The following SLC9A9 variants were observed in gnomAD, a reference collection of about 807,000 sequenced individuals.
The protein encoded by SLC9A9 is solute carrier family 9 member A9, also known as sodium/hydrogen exchanger 9.
In SLC9A9, 62 loss-of-function variants were observed where a neutral mutation model predicts 77.8. The observed-to-expected ratio is 0.80, with a 90% CI of 0.65 to 0.98. The LOEUF (loss-of-function observed/expected upper bound fraction) is 0.98. Among genes scored for constraint, SLC9A9 ranks in the 50% least tolerant of loss-of-function variants. The probability of loss-of-function intolerance (pLI) is 0.00; values close to 1 mark genes in which losing one functional copy is unlikely to be tolerated. For missense variants in SLC9A9, 775 were observed against 774.9 expected (o/e 1.00, Z 0.00); for synonymous variants, 320 against 283.5 (o/e 1.13, Z -1.29).
chr3:143,342,861 G>A (rs2032149637), intron 14 of SLC9A9, among the ~76,000 whole-genome samples: 3 of 152,260 alleles, frequency 2.0e-5, no homozygotes, highest in South Asian at 2.1e-4. Flanking sequence ...CACGCGCCAC[G>A]CTTTTAACCA....
In SLC9A9 at chr3:143,647,331, G is replaced by T. The variant is rs897832458; in HGVS notation, c.755+4924C>A. Among the ~76,000 whole-genome samples the T allele has an allele frequency of 2.6e-5, 4 of 152,150 alleles. No homozygotes were observed. In the East Asian group the frequency reaches 7.7e-4, roughly 29 times the overall value. On this transcript the variant is annotated intron_variant, in intron 6 of 15. Transcript: ENST00000316549. Reference sequence around the variant, plus strand: ...ACATGTGTTGAAAATGCTTCCCTTGGTTTATCATTCGTCATTTAATTTTTT... The same window carrying T: ...ACATGTGTTGAAAATGCTTCCCTTGTTTTATCATTCGTCATTTAATTTTTT...
At chr3:143,641,641 C>A (rs1448240709) in intron 6 of SLC9A9, among the ~76,000 whole-genome samples, 2 of 152,170 alleles carry the variant, frequency 1.3e-5, no homozygotes, top group Admixed American at 6.5e-5. Context: ...GATCCGCCAG[C>A]CTTGGCCTCC....
intron 14 of SLC9A9, among the ~76,000 whole-genome samples, chr3:143,321,092 C>G (rs533339407): frequency 6.6e-6 from 1 of 152,336 alleles, no homozygotes; most frequent in South Asian, 2.1e-4. Context: ...ACCATCATTT[C>G]AAACATCTAG....
chr3:143,756,108 G>T (rs1017026155), intron 4 of SLC9A9, among the ~76,000 whole-genome samples: 1 of 152,106 alleles, frequency 6.6e-6, no homozygotes, highest in African/African-American at 2.4e-5. Context: ...CACCAGTCAG[G>T]TCTTCCACCT....
intron 4 of SLC9A9, among the ~76,000 whole-genome samples, chr3:143,694,095 T>G (rs1933558419): frequency 6.6e-6 from 1 of 152,084 alleles, no homozygotes; most frequent in Non-Finnish European, 1.5e-5. Flanking sequence ...ACAGTGTAAT[T>G]TAAGAACTGT....
intron 14 of SLC9A9, among the ~76,000 whole-genome samples, chr3:143,351,778 G>T (rs886746698): frequency 6.6e-6 from 1 of 152,216 alleles, no homozygotes; most frequent in African/African-American, 2.4e-5. Flanking sequence ...GAGTCTGAAG[G>T]CCTTCAGGTC....
intron 6 of SLC9A9, among the ~76,000 whole-genome samples, chr3:143,602,536 T>A (rs916975215): frequency 2.6e-5 from 4 of 152,260 alleles, no homozygotes; most frequent in East Asian, 3.8e-4. Flanking sequence ...TTAATTTAAC[T>A]GTTTAATAAT....
intron 4 of SLC9A9, among the ~76,000 whole-genome samples, chr3:143,774,857 C>A (rs1346669472): frequency 6.6e-6 from 1 of 152,178 alleles, no homozygotes; most frequent in Non-Finnish European, 1.5e-5. Flanking sequence ...CCCTTTGGGA[C>A]CCTGTCTGCT....
At chr3:143,289,672 A>T (rs1559853920) in intron 14 of SLC9A9, among the ~76,000 whole-genome samples, 1 of 152,008 alleles carries the variant, frequency 6.6e-6, no homozygotes, top group Non-Finnish European at 1.5e-5. Flanking sequence ...CCATCTACCC[A>T]TCTGTCCATC....
At chr3:143,280,501 T>C (rs903194907) in intron 14 of SLC9A9, among the ~76,000 whole-genome samples, 7 of 152,148 alleles carry the variant, frequency 4.6e-5, no homozygotes, top group African/African-American at 1.7e-4. Context: ...TGTAGTCCCT[T>C]TGAAGCCTTT....
intron 12 of SLC9A9, among the ~76,000 whole-genome samples, chr3:143,401,483 T>C (rs2108512273): frequency 6.6e-6 from 1 of 152,330 alleles, no homozygotes; most frequent in Non-Finnish European, 1.5e-5. Flanking sequence ...TGTAGAAAGC[T>C]ATTCACATTA....
intron 5 of SLC9A9, among the ~76,000 whole-genome samples, chr3:143,689,106 T>C (rs1933371474): frequency 6.6e-6 from 1 of 151,514 alleles, no homozygotes; most frequent in South Asian, 2.1e-4. Context: ...GTTTTTATTG[T>C]CTACTGCATT....
intron 12 of SLC9A9, among the ~76,000 whole-genome samples, chr3:143,451,132 T>C (rs2034999869): frequency 6.6e-6 from 1 of 151,638 alleles, no homozygotes; most frequent in Non-Finnish European, 1.5e-5. Flanking sequence ...CTACAATCTC[T>C]ACTGCAAATC....
intron 14 of SLC9A9, among the ~76,000 whole-genome samples, chr3:143,297,274 C>T (rs572056501): frequency 1.8e-4 from 28 of 152,180 alleles, no homozygotes; most frequent in Non-Finnish European, 3.4e-4. Context: ...AGAGTGTCTT[C>T]TTTCCCCATT....
intron 4 of SLC9A9, among the ~76,000 whole-genome samples, chr3:143,707,373 C>CAG (rs1319889564): frequency 1.3e-4 from 18 of 138,206 alleles, no homozygotes; most frequent in East Asian, 2.0e-4. Flanking sequence ...AAAATCTACA[C>CAG]ACACACACAC....
At chr3:143,636,753 C>T (rs1157583109) in intron 6 of SLC9A9, among the ~76,000 whole-genome samples, 1 of 152,182 alleles carries the variant, frequency 6.6e-6, no homozygotes, top group East Asian at 1.9e-4. Flanking sequence ...AGATAATCTC[C>T]TGAGACTTCT....
chr3:143,785,807 A>G (rs532955032), intron 4 of SLC9A9, among the ~76,000 whole-genome samples: 18 of 151,614 alleles, frequency 1.2e-4, no homozygotes, highest in African/African-American at 4.3e-4. Context: ...GTACTGAAGA[A>G]TAAAGGTGAG....
chr3:143,350,942 T>C (rs2032436550), intron 14 of SLC9A9, among the ~76,000 whole-genome samples: 1 of 152,198 alleles, frequency 6.6e-6, no homozygotes, highest in African/African-American at 2.4e-5. Context: ...AACTGTTAAC[T>C]TTTCCAAAAT....
chr3:143,783,384 A>G (rs12491888), intron 4 of SLC9A9, among the ~76,000 whole-genome samples: 85,213 of 151,706 alleles, frequency 0.56, 26,676 homozygotes, highest in African/African-American at 0.84. Context: ...TCATATCTTT[A>G]CCTGGTTCCC....
Sources: allele counts gnomAD v4.1 joint callset (sites outside exome capture counted in the v4.1 genomes callset), GRCh38; gene constraint gnomAD v4.1.1; transcripts MANE v1.5; gene names NCBI Gene and HGNC (gene_info 2026-07-23, HGNC 2026-07-21).